Variants in SNTN observed in about 807,000 individuals in gnomAD.
The protein encoded by SNTN is sentan.
A neutral mutation model predicts 12.3 loss-of-function variants in SNTN; 13 were observed. That is an observed-to-expected ratio of 1.05 (90% CI 0.69 to 1.67). The LOEUF (loss-of-function observed/expected upper bound fraction) is 1.67. Among genes scored for constraint, SNTN ranks in the 40% most tolerant of loss-of-function variants. The probability of loss-of-function intolerance (pLI) is 0.00; values close to 1 mark genes in which losing one functional copy is unlikely to be tolerated. For missense variants in SNTN, 189 were observed against 169.8 expected (o/e 1.11, Z -0.63); for synonymous variants, 69 against 58.5 (o/e 1.18, Z -0.82).
At position 63,660,926 on chromosome 3, in the gene SNTN, G is replaced by T. The variant is rs561014035; in HGVS notation, c.285+1062G>T. The stretch of plus-strand genomic sequence containing the variant: ...AAGGTTACTACCTTACTCACCTAAG[G>T]GTATATTTCTCGAATTTCAGTCATT... On this transcript the variant is annotated intron_variant, in intron 3 of 3. Transcript: ENST00000343837. 5.9e-5 allele frequency among the ~76,000 whole-genome samples: 9 copies of T among 152,116 alleles called. No individual in the cohort carries two copies. The South Asian group carries it at 1.7e-3, about 28-fold the overall frequency.
Position 63,659,853 on chromosome 3 carries a change from A to G in SNTN, c.274A>G (p.Asn92Asp). The G allele has an allele frequency of 6.2e-7, 1 of 1,613,996 alleles. No homozygotes were observed. The highest frequency in any genetic ancestry group is 1.7e-5 in the Admixed American group (1 of 60,016). ...AGATCTGCTGCAAACCCAATTTAGGAATTTCGCAGAGGTGAGAGAATTAAC... is the reference window on the plus strand; with the variant it reads ...AGATCTGCTGCAAACCCAATTTAGGGATTTCGCAGAGGTGAGAGAATTAAC... ...AKDLLQTQFR[N>D]FAEGQETKPK... is the part of the protein sequence containing the mutation. The change falls in exon 3 of 4, where the codon AAT becomes GAT. Residue 92 changes from asparagine to aspartate, a missense_variant. Asn to Asp is a conservative substitution (Grantham distance 23, BLOSUM62 1). Transcript: ENST00000343837.
At chr3:63,653,279 A>G (rs4688174) in intron 1 of SNTN, among the ~76,000 whole-genome samples, 25,825 of 152,024 alleles carry the variant, frequency 0.17, 2,251 homozygotes, top group South Asian at 0.2. Flanking sequence ...GAACTGCATG[A>G]TTCTTTCTTC....
intron 3 of SNTN, among the ~76,000 whole-genome samples, chr3:63,661,144 T>C (rs1700739884): frequency 6.6e-6 from 1 of 152,206 alleles, no homozygotes; most frequent in African/African-American, 2.4e-5. Flanking sequence ...ATTTAGTGTT[T>C]AATATTTATT....
chr3:63,654,182 T>C (rs1315015028), intron 1 of SNTN, among the ~76,000 whole-genome samples: 1 of 152,222 alleles, frequency 6.6e-6, no homozygotes, highest in Non-Finnish European at 1.5e-5. Context: ...GGAATGTCTC[T>C]ATCAGTCACT....
At chr3:63,659,995 T>C in intron 3 of SNTN, 131 bp downstream of exon 3, 5 of 1,043,604 alleles carry the variant, frequency 4.8e-6, no homozygotes, top group Non-Finnish European at 7.0e-6. Flanking sequence ...ACCTACCTTA[T>C]GCCAGGCAGT....
chr3:63,660,000 G>A, intron 3 of SNTN, 136 bp downstream of exon 3: 5 of 1,008,868 alleles, frequency 5.0e-6, no homozygotes, highest in Non-Finnish European at 7.3e-6. Flanking sequence ...CCTTATGCCA[G>A]GCAGTGAGCT....
intron 3 of SNTN, among the ~76,000 whole-genome samples, chr3:63,660,128 C>T (rs1700728133): frequency 6.6e-6 from 1 of 152,094 alleles, no homozygotes; most frequent in African/African-American, 2.4e-5. Context: ...GAGAGTAAAA[C>T]AGAGGAACTA....
intron 3 of SNTN, among the ~76,000 whole-genome samples, chr3:63,663,455 A>T (rs1330281699): frequency 2.0e-5 from 3 of 152,054 alleles, no homozygotes; most frequent in African/African-American, 7.2e-5. Context: ...TATGATTTGG[A>T]TGTTTGTCCC....
At chr3:63,663,635 G>T (rs932699109) in intron 3 of SNTN, 8 of 393,326 alleles carry the variant, frequency 2.0e-5, no homozygotes, top group Admixed American at 3.7e-5. Context: ...GTTTAAAAGA[G>T]CCTGGAACCC....
At chr3:63,662,013 G>A (rs558724137) in intron 3 of SNTN, among the ~76,000 whole-genome samples, 4 of 152,130 alleles carry the variant, frequency 2.6e-5, no homozygotes, top group African/African-American at 4.8e-5. Flanking sequence ...CTAAACCCTA[G>A]AAGTACAGCC....
At chr3:63,653,487 G>A (rs1270459523) in intron 1 of SNTN, among the ~76,000 whole-genome samples, 3 of 152,090 alleles carry the variant, frequency 2.0e-5, no homozygotes, top group Admixed American at 6.5e-5. Context: ...ACAGGGTCCA[G>A]CTTTGTAATG....
intron 3 of SNTN, among the ~76,000 whole-genome samples, chr3:63,661,630 G>C (rs1453260189): frequency 6.6e-6 from 1 of 151,512 alleles, no homozygotes; most frequent in Non-Finnish European, 1.5e-5. Flanking sequence ...TTTTCTAAAT[G>C]TTCTATATTA....
At chr3:63,657,044 G>C (rs17698667) in intron 2 of SNTN, among the ~76,000 whole-genome samples, 4 of 152,060 alleles carry the variant, frequency 2.6e-5, no homozygotes, top group African/African-American at 9.7e-5. Context: ...AATGTGTGTC[G>C]TATATTATTG....
chr3:63,655,543 C>G (rs1342284587), intron 2 of SNTN, among the ~76,000 whole-genome samples: 1 of 152,142 alleles, frequency 6.6e-6, no homozygotes, highest in Non-Finnish European at 1.5e-5. Flanking sequence ...ATAATTTACA[C>G]AACTTCAGGC....
chr3:63,660,485 G>A (rs1324019699), intron 3 of SNTN, among the ~76,000 whole-genome samples: 3 of 152,214 alleles, frequency 2.0e-5, no homozygotes, highest in African/African-American at 7.2e-5. Flanking sequence ...TAGCTGTGGG[G>A]AGGCAATTCA....
In SNTN at chr3:63,652,764, C is replaced by A; in HGVS notation, c.77C>A (p.Thr26Lys). 6.2e-7 allele frequency: 1 copy of A among 1,614,104 alleles called. No homozygotes were observed. Among genetic ancestry groups the A allele is most frequent in the Non-Finnish European group, 8.5e-7 (1 of 1,179,950 alleles). ...GATCCCAATCCTTCTGCAGCCCCAA[C>A]ATCCACCTGCGCACCTAGGAAAATG... ...EGDPNPSAAP[T>K]STCAPRKMPK... The change falls in exon 1 of 4, where the codon ACA (threonine) becomes AAA (lysine). Residue 26 changes from threonine (T) to lysine (K), a missense_variant. By Grantham distance (78) the Thr-to-Lys change is moderately conservative. Transcript: ENST00000343837.
Position 63,664,268 on chromosome 3 carries a change from A to T in SNTN, c.*173A>T. ...CTCCAAATATTTACCCATACACTTC[A>T]AGAATGTTTGAATGATAAGGTCTCT... On this transcript the variant is annotated 3_prime_UTR_variant, in exon 4 of 4. Transcript: ENST00000343837. 1.7e-6 allele frequency: 1 copy of T among 594,170 alleles called. No individual in the cohort carries two copies. The allele number at this position is 594,170 out of a possible 1,614,324, so 36.8% of individuals were successfully genotyped here.
intron 2 of SNTN, among the ~76,000 whole-genome samples, chr3:63,658,006 C>T (rs1481567170): frequency 1.3e-5 from 2 of 152,126 alleles, no homozygotes; most frequent in Admixed American, 1.3e-4. Context: ...TGCTTTGATG[C>T]CTTCTCTTTC....
At chr3:63,653,503 A>G (rs1467113841) in intron 1 of SNTN, among the ~76,000 whole-genome samples, 1 of 152,146 alleles carries the variant, frequency 6.6e-6, no homozygotes, top group Non-Finnish European at 1.5e-5. Flanking sequence ...TAATGTTACA[A>G]GTGAAAAAAA....
Sources: allele counts gnomAD v4.1 joint callset (sites outside exome capture counted in the v4.1 genomes callset), GRCh38; gene constraint gnomAD v4.1.1; transcripts MANE v1.5; gene names NCBI Gene and HGNC (gene_info 2026-07-23, HGNC 2026-07-21).